NFX1: variants seen among roughly 807,000 people sequenced by gnomAD.
NFX1 encodes the protein nuclear transcription factor, X-box binding 1.
A neutral mutation model predicts 137.2 loss-of-function variants in NFX1; 69 were observed. That is an observed-to-expected ratio of 0.50 (90% CI 0.41 to 0.61). The LOEUF (loss-of-function observed/expected upper bound fraction) is 0.61, where lower values mean the gene tolerates loss of function less well. Ranked by LOEUF, NFX1 falls within the 20% of genes least tolerant of loss-of-function variation. The pLI is 0.00. For synonymous variants in NFX1, 495 were observed against 474.1 expected (o/e 1.04, Z -0.57); for missense variants, 1,167 against 1,391.0 (o/e 0.84, Z 2.56).
chr9:33,358,632 T>C (rs1823890785), intron 19 of NFX1, among the ~76,000 whole-genome samples: 1 of 148,938 alleles, frequency 6.7e-6, no homozygotes, highest in Non-Finnish European at 1.5e-5. Flanking sequence ...GCAAAAAAAT[T>C]CTGTGAATGG....
chr9:33,303,525 C>T (rs1821648415), intron 4 of NFX1, among the ~76,000 whole-genome samples: 1 of 152,190 alleles, frequency 6.6e-6, no homozygotes, highest in African/African-American at 2.4e-5. Context: ...GTCTTGAGAC[C>T]AGGCCTGACC....
At chr9:33,307,149 T>G in intron 4 of NFX1, 45 bp from the exon 5 acceptor site, 1 of 1,477,696 alleles carries the variant, frequency 6.8e-7, no homozygotes, top group Non-Finnish European at 9.4e-7. Flanking sequence ...GTTGAGAATG[T>G]GGTTGAAGTT....
At chr9:33,307,085 A>T in intron 4 of NFX1, 109 bp from the exon 5 acceptor site, 1 of 718,758 alleles carries the variant, frequency 1.4e-6, no homozygotes, top group South Asian at 2.2e-5. Context: ...TTGAAATAAT[A>T]AAAACCACAC....
intron 11 of NFX1, among the ~76,000 whole-genome samples, chr9:33,334,552 A>G (rs1822929843): frequency 1.3e-5 from 2 of 152,064 alleles, no homozygotes; most frequent in Non-Finnish European, 2.9e-5. Context: ...AAAGATGAAA[A>G]TTTGCCCTCT....
chr9:33,335,481 C>T (rs144184873), intron 11 of NFX1, among the ~76,000 whole-genome samples: 122 of 152,176 alleles, frequency 8.0e-4, no homozygotes, highest in African/African-American at 2.8e-3. Flanking sequence ...AATCCGCCTG[C>T]CTCAGCCTCC....
At chr9:33,369,072 T>A (rs1824251832) in intron 23 of NFX1, among the ~76,000 whole-genome samples, 1 of 152,116 alleles carries the variant, frequency 6.6e-6, no homozygotes, top group South Asian at 2.1e-4. Context: ...TTTTCTTTTT[T>A]TCTTTTTTTT....
chr9:33,313,592 A>G, intron 6 of NFX1, 62 bp from the exon 7 acceptor site: 1 of 1,565,550 alleles, frequency 6.4e-7, no homozygotes, highest in Non-Finnish European at 8.8e-7. Context: ...CCGCAGTGTT[A>G]GTTTGGTTGT....
At position 33,317,169 on chromosome 9, in the gene NFX1, A is replaced by G. The variant is rs559910071; in HGVS notation, c.1589-1562A>G. Among the ~76,000 whole-genome samples, 361 of 152,252 alleles carry G rather than the reference A, an allele frequency of 2.4e-3. 4 individuals are homozygous for G. Among genetic ancestry groups the G allele is most frequent in the Non-Finnish European group, 6.6e-4 (45 of 68,016 alleles). ...TGTAGTGGCTCACACCTGTAATCCC[A>G]GCACTTTAGGAGGCCAGGATGGGCT... On this transcript the variant is annotated intron_variant, in intron 7 of 23. Coordinates refer to ENST00000379540, the MANE Select transcript of NFX1 (RefSeq NM_002504.6).
chr9:33,297,003 A>G (rs1045378146), intron 2 of NFX1, among the ~76,000 whole-genome samples: 1 of 152,202 alleles, frequency 6.6e-6, no homozygotes, highest in African/African-American at 2.4e-5. Flanking sequence ...AGTTCTGACC[A>G]TTAAAAAGTT....
intron 23 of NFX1, 33 bp downstream of exon 23, chr9:33,367,652 T>C (rs1824209597): frequency 6.2e-7 from 1 of 1,603,816 alleles, no homozygotes; most frequent in East Asian, 2.2e-5. Context: ...CAAGGGGACC[T>C]GTCTGTCCAG....
intron 18 of NFX1, 23 bp downstream of exon 18, chr9:33,354,210 G>C (rs748248803): frequency 4.5e-6 from 7 of 1,571,144 alleles, no homozygotes; most frequent in Non-Finnish European, 5.2e-6. Context: ...ATGCATATAT[G>C]TGCCTTCTTT....
intron 11 of NFX1, among the ~76,000 whole-genome samples, chr9:33,335,817 C>T (rs1822982704): frequency 6.6e-6 from 1 of 152,198 alleles, no homozygotes. Flanking sequence ...TTGTGCCCTG[C>T]TTCTTTCACT....
intron 5 of NFX1, among the ~76,000 whole-genome samples, chr9:33,307,915 C>G (rs1340728504): frequency 6.6e-6 from 1 of 151,562 alleles, no homozygotes; most frequent in Admixed American, 6.6e-5. Flanking sequence ...GCCATCCTCC[C>G]ACCTCATCCT....
intron 1 of NFX1, among the ~76,000 whole-genome samples, chr9:33,293,052 T>C (rs1446291559): frequency 1.3e-5 from 2 of 152,240 alleles, no homozygotes; most frequent in African/African-American, 2.4e-5. Context: ...GAGAGGTTAC[T>C]CTATGACCTT....
At chr9:33,309,983 T>A (rs1337990569) in intron 5 of NFX1, among the ~76,000 whole-genome samples, 2 of 152,164 alleles carry the variant, frequency 1.3e-5, no homozygotes, top group South Asian at 4.1e-4. Flanking sequence ...AGGATTGAGG[T>A]ATATATAAAA....
chr9:33,370,127 C>G lies in NFX1; in HGVS notation c.*149C>G, dbSNP rs529286269. ...TGACACATCCAAAGCATGAGTGTGTCAGAAATCCCTTGTCTATTCCTGTCT... is the reference window on the plus strand; with the variant it reads ...TGACACATCCAAAGCATGAGTGTGTGAGAAATCCCTTGTCTATTCCTGTCT... On this transcript the variant is annotated 3_prime_UTR_variant, in exon 24 of 24. Coordinates refer to ENST00000379540, the MANE Select transcript of NFX1 (RefSeq NM_002504.6). The G allele has an allele frequency of 1.6e-6, 1 of 611,290 alleles. No individual in the cohort carries two copies. Among genetic ancestry groups the G allele is most frequent in the South Asian group, 2.1e-5 (1 of 46,880 alleles). The allele number at this position is 611,290 out of a possible 1,614,324, so 37.9% of individuals were successfully genotyped here.
At chr9:33,314,667 G>A (rs143201093) in intron 7 of NFX1, among the ~76,000 whole-genome samples, 1,553 of 151,908 alleles carry the variant, frequency 0.01, 27 homozygotes, top group African/African-American at 0.036. Context: ...ACAGAATGAG[G>A]CTCAGTCTAA....
At chr9:33,363,486 A>G (rs1003726089) in intron 19 of NFX1, among the ~76,000 whole-genome samples, 24 of 150,926 alleles carry the variant, frequency 1.6e-4, no homozygotes, top group Non-Finnish European at 8.9e-5. Flanking sequence ...GTTTCACCAT[A>G]TTGGCCAGGC....
intron 1 of NFX1, 111 bp downstream of exon 1, chr9:33,290,708 G>T: frequency 9.2e-7 from 1 of 1,086,270 alleles, no homozygotes. Context: ...CACATGCTAG[G>T]GCGTAGGATA....
Sources: allele counts gnomAD v4.1 joint callset (sites outside exome capture counted in the v4.1 genomes callset), GRCh38; gene constraint gnomAD v4.1.1; transcripts MANE v1.5; gene names NCBI Gene and HGNC (gene_info 2026-07-23, HGNC 2026-07-21).